The following PCDHA4 variants were observed in gnomAD, a reference collection of about 807,000 sequenced individuals.
The protein encoded by PCDHA4 is protocadherin alpha-4.
In PCDHA4, 49 loss-of-function variants were observed where a neutral mutation model predicts 61.4. The ratio of observed to expected loss-of-function variants is 0.80; its 90% CI spans 0.63 to 1.01. The LOEUF (loss-of-function observed/expected upper bound fraction) is 1.01. Among genes scored for constraint, PCDHA4 ranks in the 50% least tolerant of loss-of-function variants. The probability of loss-of-function intolerance (pLI) is 0.00; values close to 1 mark genes in which losing one functional copy is unlikely to be tolerated. For synonymous variants in PCDHA4, 590 were observed against 550.3 expected (o/e 1.07, Z -1.01); for missense variants, 1,254 against 1,235.8 (o/e 1.01, Z -0.22).
At chr5:140,879,235 A>G (rs904336289) in intron 1 of PCDHA4, among the ~76,000 whole-genome samples, 5 of 152,240 alleles carry the variant, frequency 3.3e-5, no homozygotes, top group Middle Eastern at 3.2e-3. Flanking sequence ...CATATACAAG[A>G]GGCACTGGCA....
At chr5:140,826,422 G>A (rs1768938309) in intron 1 of PCDHA4, among the ~76,000 whole-genome samples, 1 of 152,144 alleles carries the variant, frequency 6.6e-6, no homozygotes, top group Non-Finnish European at 1.5e-5. Flanking sequence ...TTTTAAGATA[G>A]AATTTCACAT....
chr5:140,908,455 A>G (rs1425485479), intron 1 of PCDHA4, among the ~76,000 whole-genome samples: 7 of 152,178 alleles, frequency 4.6e-5, no homozygotes, highest in South Asian at 4.1e-4. Flanking sequence ...GGCTAGATGG[A>G]TCAGAAAGCA....
intron 1 of PCDHA4, chr5:140,836,683 C>T (rs2150267743): frequency 6.8e-6 from 11 of 1,613,526 alleles, no homozygotes; most frequent in Non-Finnish European, 9.3e-6. Context: ...CCACCCAAGA[C>T]AGACCTCATG....
chr5:140,914,126 G>T (rs2076615202), intron 1 of PCDHA4, among the ~76,000 whole-genome samples: 1 of 152,132 alleles, frequency 6.6e-6, no homozygotes, highest in Non-Finnish European at 1.5e-5. Context: ...ATGTTTCTTT[G>T]TTGAGTTTTT....
chr5:140,882,466 G>A (rs782656797), intron 1 of PCDHA4: 1 of 1,614,028 alleles, frequency 6.2e-7, no homozygotes, highest in South Asian at 1.1e-5. Flanking sequence ...TGTTCCGGGT[G>A]GCGTCCAAAA....
intron 1 of PCDHA4, chr5:140,926,592 C>T: frequency 3.3e-6 from 1 of 298,858 alleles, no homozygotes; most frequent in Non-Finnish European, 6.1e-6. Flanking sequence ...CGCGCCCGGG[C>T]GGGCGGCCTC....
chr5:140,953,522 G>A (rs246031), intron 1 of PCDHA4, among the ~76,000 whole-genome samples: 85,599 of 151,862 alleles, frequency 0.56, 24,738 homozygotes, highest in African/African-American at 0.69. Flanking sequence ...CAACAAAAAC[G>A]GGAAACTCAC....
At chr5:140,835,792 C>G (rs2150244938) in intron 1 of PCDHA4, 3 of 1,613,122 alleles carry the variant, frequency 1.9e-6, no homozygotes, top group Non-Finnish European at 2.5e-6. Flanking sequence ...AACAACCCGC[C>G]GGGCTGCCAC....
intron 1 of PCDHA4, chr5:140,862,866 GC>G (rs11321479): frequency 0.66 from 374,898 of 571,004 alleles, 123,608 homozygotes; most frequent in Middle Eastern, 0.71. Context: ...ATGTGACGCT[GC>G]CAGGTATTAG....
chr5:140,934,004 T>G (rs556218652), intron 1 of PCDHA4, among the ~76,000 whole-genome samples: 1 of 152,204 alleles, frequency 6.6e-6, no homozygotes, highest in Non-Finnish European at 1.5e-5. Flanking sequence ...CCTCTCATTT[T>G]TCTTGACTAG....
chr5:140,980,044 T>G (rs1249451662), intron 2 of PCDHA4, among the ~76,000 whole-genome samples: 11 of 152,258 alleles, frequency 7.2e-5, no homozygotes, highest in Non-Finnish European at 1.5e-4. Flanking sequence ...GGGTGCTATT[T>G]CTGATTCAGA....
intron 1 of PCDHA4, chr5:140,855,829 C>A: frequency 1.8e-6 from 1 of 560,298 alleles, no homozygotes; most frequent in East Asian, 2.9e-5. Flanking sequence ...CTCATGGAAT[C>A]GTACTTACAC....
intron 1 of PCDHA4, chr5:140,926,614 C>G: frequency 2.6e-6 from 1 of 377,760 alleles, no homozygotes; most frequent in Non-Finnish European, 4.6e-6. Flanking sequence ...TCTCTGCACC[C>G]CTAGGCGGCG....
intron 1 of PCDHA4, chr5:140,875,787 C>A (rs2055811364): frequency 6.2e-7 from 1 of 1,614,082 alleles, no homozygotes; most frequent in Non-Finnish European, 8.5e-7. Context: ...GCAGTATCCA[C>A]CTGGAGGTGA....
At chr5:140,884,523 A>T (rs1393275293) in intron 1 of PCDHA4, 1 of 1,614,030 alleles carries the variant, frequency 6.2e-7, no homozygotes, top group Non-Finnish European at 8.5e-7. Flanking sequence ...TCGTACTCGC[A>T]GCAGAGGCGG....
chr5:140,848,397 A>C, intron 1 of PCDHA4: 2 of 1,283,802 alleles, frequency 1.6e-6, no homozygotes, highest in Non-Finnish European at 2.2e-6. Flanking sequence ...CTCTGTGCTG[A>C]ACGATGGCGA....
chr5:140,957,014 G>A (rs2095325954), intron 1 of PCDHA4, among the ~76,000 whole-genome samples: 1 of 152,124 alleles, frequency 6.6e-6, no homozygotes, highest in South Asian at 2.1e-4. Flanking sequence ...ATTTCTCAGT[G>A]AGCATTTAGA....
At chr5:140,876,549 G>A in intron 1 of PCDHA4, 2 of 1,614,206 alleles carry the variant, frequency 1.2e-6, no homozygotes, top group Non-Finnish European at 1.7e-6. Flanking sequence ...CGCTCCCTGT[G>A]CAAGAGGATG....
chr5:140,890,238 C>T (rs2062554718), intron 1 of PCDHA4, among the ~76,000 whole-genome samples: 1 of 152,034 alleles, frequency 6.6e-6, no homozygotes, highest in African/African-American at 2.4e-5. Flanking sequence ...TAAGCATTTA[C>T]CAGTACACTA....
Sources: allele counts gnomAD v4.1 joint callset (sites outside exome capture counted in the v4.1 genomes callset), GRCh38; gene constraint gnomAD v4.1.1; transcripts MANE v1.5; gene names NCBI Gene and HGNC (gene_info 2026-07-23, HGNC 2026-07-21).